Variants in NBEAL1 observed in about 807,000 individuals in gnomAD.
NBEAL1 encodes neurobeachin like 1.
A neutral mutation model predicts 351.3 loss-of-function variants in NBEAL1; 273 were observed. The observed-to-expected ratio is 0.78, with a 90% confidence interval of 0.70 to 0.86. NBEAL1 has a LOEUF of 0.86. NBEAL1 is among the 40% of genes least tolerant of loss of function. The pLI, the probability that NBEAL1 is intolerant of heterozygous loss-of-function variation, is 0.00. For missense variants in NBEAL1, 2,961 were observed against 3,201.3 expected (o/e 0.92, Z 1.81); for synonymous variants, 1,050 against 1,086.4 (o/e 0.97, Z 0.66).
chr2:203,065,438 G>C (rs1309107078), intron 6 of NBEAL1, among the ~76,000 whole-genome samples: 2 of 152,058 alleles, frequency 1.3e-5, no homozygotes, highest in African/African-American at 2.4e-5. Context: ...TTATGTCCTA[G>C]GTATGATGTG....
intron 8 of NBEAL1, 83 bp downstream of exon 8, chr2:203,077,920 C>CT: frequency 1.5e-6 from 1 of 672,022 alleles, no homozygotes; most frequent in East Asian, 3.3e-5. Flanking sequence ...TGTTCTTTGT[C>CT]TTTTTATAAT....
intron 36 of NBEAL1, among the ~76,000 whole-genome samples, chr2:203,159,745 ATC>A (rs1362261444): frequency 6.6e-6 from 1 of 152,120 alleles, no homozygotes; most frequent in African/African-American, 2.4e-5. Context: ...TGTCTTGGTT[ATC>A]TACTGAGGAG....
intron 2 of NBEAL1, among the ~76,000 whole-genome samples, chr2:203,018,984 G>GT (rs2060725473): frequency 6.6e-6 from 1 of 152,154 alleles, no homozygotes; most frequent in Admixed American, 6.5e-5. Context: ...AAGTATACAT[G>GT]TATTTTGTTG....
intron 8 of NBEAL1, among the ~76,000 whole-genome samples, chr2:203,080,491 G>C (rs549969018): frequency 6.6e-6 from 1 of 152,046 alleles, no homozygotes; most frequent in African/African-American, 2.4e-5. Flanking sequence ...TTTTCTCTCT[G>C]TATGTTTTTT....
At position 203,127,893 on chromosome 2, in the gene NBEAL1, C is replaced by A. The variant is rs1030130878; in HGVS notation, c.3361C>A (p.Gln1121Lys). The change falls in exon 24 of 56, where the codon CAA becomes AAA. Residue 1121 changes from glutamine (Q) to lysine (K), a missense_variant. By Grantham distance (53) the Gln-to-Lys change is moderately conservative. Transcript: ENST00000683969. ...CAAAGGTGGATCTCATGAAGAGATACAAAGTATTATGGGGTACATAGCTGC... is the reference window on the plus strand; with the variant it reads ...CAAAGGTGGATCTCATGAAGAGATAAAAAGTATTATGGGGTACATAGCTGC... ...LCKGGSHEEI[Q>K]SIMGYIAATN... 13 of 1,552,178 alleles carry A rather than the reference C, an allele frequency of 8.4e-6. No homozygotes were observed. The highest frequency in any genetic ancestry group is 1.4e-5 in the African/African-American group (1 of 73,402).
chr2:203,175,794 T>G (rs558806257), intron 42 of NBEAL1, among the ~76,000 whole-genome samples: 9 of 152,328 alleles, frequency 5.9e-5, no homozygotes, highest in African/African-American at 2.2e-4. Context: ...AATCTTCTGT[T>G]CCTCAGTAAA....
chr2:203,060,716 A>C (rs1398325647), intron 6 of NBEAL1, among the ~76,000 whole-genome samples: 1 of 152,234 alleles, frequency 6.6e-6, no homozygotes. Flanking sequence ...ACCGCTGATA[A>C]GCAAAATATA....
At chr2:203,118,884 G>A (rs1426097424) in intron 18 of NBEAL1, among the ~76,000 whole-genome samples, 1 of 151,856 alleles carries the variant, frequency 6.6e-6, no homozygotes. Context: ...CCACCGCACT[G>A]GGCCTGACTG....
intron 3 of NBEAL1, among the ~76,000 whole-genome samples, chr2:203,042,453 A>G (rs1273020943): frequency 6.6e-6 from 1 of 152,160 alleles, no homozygotes; most frequent in Non-Finnish European, 1.5e-5. Flanking sequence ...AAGCTCTTCA[A>G]GTTTTGGGTG....
intron 6 of NBEAL1, among the ~76,000 whole-genome samples, chr2:203,065,294 A>G (rs768902053): frequency 1.1e-4 from 17 of 152,190 alleles, no homozygotes; most frequent in Non-Finnish European, 1.8e-4. Flanking sequence ...AAGTGTTAAC[A>G]GTGAACTTGG....
chr2:203,050,111 G>A (rs544736207), intron 4 of NBEAL1, 136 bp downstream of exon 4: 10 of 717,354 alleles, frequency 1.4e-5, no homozygotes, highest in Non-Finnish European at 2.2e-5. Flanking sequence ...ATAACATTAG[G>A]AGAAATACCT....
intron 29 of NBEAL1, among the ~76,000 whole-genome samples, chr2:203,137,726 G>C (rs1314846433): frequency 6.6e-6 from 1 of 152,182 alleles, no homozygotes; most frequent in East Asian, 1.9e-4. Context: ...GCTCATGCCT[G>C]TAATCCCAGC....
rs2064459648 is a variant in NBEAL1, at chr2:203,175,155, A to C, written c.6332A>C (p.Asn2111Thr). The stretch of plus-strand genomic sequence containing the variant: ...GGATTTTTTCCCCACAGATATGAAA[A>C]TTTTGAGGATCCTATGGGAACTATT... ...NAKAMREKYE[N>T]FEDPMGTIDK... Residue 2111 changes from asparagine to threonine, a missense_variant, in exon 42 of 56, where the codon AAT becomes ACT. Transcript: ENST00000683969. 1 of 1,609,650 alleles carries C rather than the reference A, an allele frequency of 6.2e-7. No homozygotes were observed. The highest frequency in any genetic ancestry group is 8.5e-7 in the Non-Finnish European group (1 of 1,178,416).
intron 4 of NBEAL1, among the ~76,000 whole-genome samples, chr2:203,055,073 T>G (rs2061383855): frequency 6.6e-6 from 1 of 152,198 alleles, no homozygotes; most frequent in Non-Finnish European, 1.5e-5. Flanking sequence ...TCTTTCTGTG[T>G]TTCCTTGTTC....
chr2:203,216,817 TGAGA>T (rs148494714), intron 55 of NBEAL1, among the ~76,000 whole-genome samples: 1 of 151,886 alleles, frequency 6.6e-6, no homozygotes, highest in African/African-American at 2.4e-5. Flanking sequence ...TGTGTGTGTA[TGAGA>T]GAGAGAGAGT....
At chr2:203,179,037 T>C (rs577442616) in intron 42 of NBEAL1, among the ~76,000 whole-genome samples, 2 of 152,232 alleles carry the variant, frequency 1.3e-5, no homozygotes, top group Admixed American at 6.5e-5. Context: ...CAAAATTCTG[T>C]TAAGATCAGC....
intron 10 of NBEAL1, among the ~76,000 whole-genome samples, chr2:203,093,632 T>A (rs1383214461): frequency 1.3e-5 from 2 of 152,146 alleles, no homozygotes; most frequent in African/African-American, 4.8e-5. Context: ...GGCGGGTTGA[T>A]CACTTGAGGT....
At chr2:203,061,976 T>C in intron 6 of NBEAL1, 1 of 293,696 alleles carries the variant, frequency 3.4e-6, no homozygotes, top group Non-Finnish European at 6.5e-6. Flanking sequence ...CCACATTGTT[T>C]ACATTTATAT....
rs1332108569 is a variant in NBEAL1, at chr2:203,211,939, G to C, written c.7934+833G>C. Among the ~76,000 whole-genome samples, 7 of 152,194 alleles carry C rather than the reference G, an allele frequency of 4.6e-5. 1 individual carries two copies. In the East Asian group the frequency reaches 1.4e-3, roughly 29 times the overall value. ...GTCTTGCTCTGTCACCCAGGCTGGA[G>C]TGCAGTGGCATGATATTGGCTCACT... On this transcript the variant is annotated intron_variant, in intron 54 of 55. Coordinates refer to ENST00000683969, the MANE Select transcript of NBEAL1 (RefSeq NM_001378026.1).
Sources: allele counts gnomAD v4.1 joint callset (sites outside exome capture counted in the v4.1 genomes callset), GRCh38; gene constraint gnomAD v4.1.1; transcripts MANE v1.5; gene names NCBI Gene and HGNC (gene_info 2026-07-23, HGNC 2026-07-21).